ALS2CL: variants seen among roughly 807,000 people sequenced by gnomAD.
The protein encoded by ALS2CL is ALS2 C-terminal-like protein.
ALS2CL carries 112 observed loss-of-function variants against 127.9 expected under a neutral mutation model. The observed-to-expected ratio is 0.88, with a 90% CI of 0.75 to 1.02. The LOEUF is 1.02. Among genes scored for constraint, ALS2CL ranks in the 50% least tolerant of loss-of-function variants. ALS2CL has a pLI of 0.00. For missense variants in ALS2CL, 1,174 were observed against 1,236.7 expected (o/e 0.95, Z 0.76); for synonymous variants, 519 against 527.6 (o/e 0.98, Z 0.22).
intron 19 of ALS2CL, chr3:46,675,945 A>T: frequency 7.0e-7 from 1 of 1,424,418 alleles, no homozygotes; most frequent in East Asian, 2.5e-5. Context: ...CTGGGACTGC[A>T]GGTGTGTTCC....
In ALS2CL at chr3:46,681,627, C is replaced by A. The variant is rs768788715; in HGVS notation, c.1176-29G>T. 6.2e-7 allele frequency: 1 copy of A among 1,610,370 alleles called. No individual in the cohort carries two copies. Among genetic ancestry groups the A allele is most frequent in the East Asian group, 2.2e-5 (1 of 44,852 alleles). On this transcript the variant is annotated intron_variant, in intron 11 of 25. Coordinates refer to ENST00000318962, the MANE Select transcript of ALS2CL (RefSeq NM_147129.5). The surrounding 1 kb of genome is among the most constrained non-coding windows in gnomAD (Gnocchi z 4.9). The stretch of plus-strand genomic sequence containing the variant: ...ACAGCATGGTTGTGGGGGTGGGGAT[C>A]AGCCCTGACCTGAGACGCCCATTAC...
At chr3:46,680,790 A>G (rs1042529365) in intron 13 of ALS2CL, 15 of 552,162 alleles carry the variant, frequency 2.7e-5, no homozygotes, top group Non-Finnish European at 4.6e-5. Context: ...GACAGGGGGA[A>G]TAGGAGTGTG....
chr3:46,671,018 A>G lies in ALS2CL; in HGVS notation c.2828T>C (p.Leu943Ser). Residue 943 changes from leucine (L) to serine (S), a missense_variant, in exon 26 of 26, where the codon TTA (leucine) becomes TCA (serine). Transcript: ENST00000318962. ...IQKEDMRLHRLPGHWHSRELW is the reference protein window; with the variant it reads ...IQKEDMRLHRSPGHWHSRELW ...CTCCCTGGAGTGCCAGTGGCCAGGT[A>G]AGCGGTGCAGCCTCATGTCTTCTTT... 6.2e-7 allele frequency: 1 copy of G among 1,614,182 alleles called. No individual in the cohort carries two copies. The highest frequency in any genetic ancestry group is 8.5e-7 in the Non-Finnish European group (1 of 1,180,026).
Position 46,683,342 on chromosome 3 carries a change from A to T in ALS2CL, c.913-16T>A, listed in dbSNP as rs777402733. On this transcript the variant is annotated splice_polypyrimidine_tract_variant and intron_variant, in intron 9 of 25. Coordinates refer to ENST00000318962, the MANE Select transcript of ALS2CL (RefSeq NM_147129.5). ...GCCAGACTGCCTGGTGGGAGGGGGA[A>T]CATGGGGAAGGGGATCACTGCTGCT... 1.3e-6 allele frequency: 2 copies of T among 1,569,150 alleles called. No individual in the cohort carries two copies. The highest frequency in any genetic ancestry group is 1.4e-5 in the African/African-American group (1 of 73,816).
At chr3:46,671,267 T>C (rs1225265559) in intron 25 of ALS2CL, among the ~76,000 whole-genome samples, 1 of 151,544 alleles carries the variant, frequency 6.6e-6, no homozygotes, top group African/African-American at 2.4e-5. Flanking sequence ...GGAGCAATCA[T>C]GGCCCCAGGG....
chr3:46,678,827 A>G (rs1224458601), intron 15 of ALS2CL, among the ~76,000 whole-genome samples: 1 of 152,214 alleles, frequency 6.6e-6, no homozygotes, highest in Non-Finnish European at 1.5e-5. Context: ...ACATTTCCAA[A>G]GGCTCCAGCG....
Position 46,683,848 on chromosome 3 carries a change from C to T in ALS2CL, c.846G>A (p.Gly282=). Reference sequence around the variant, plus strand: ...CGGGCGTGAGGAGGTGAAACGTGCACCTAGACAGACGGAGGTGATGAGTAG... The same window carrying T: ...CGGGCGTGAGGAGGTGAAACGTGCATCTAGACAGACGGAGGTGATGAGTAG... ...KLVWVDPGQD[G]CTFHLLTPEE... Residue 282 remains glycine, a splice_region_variant and synonymous_variant, in exon 9 of 26, where the codon GGG becomes GGA. Coordinates refer to ENST00000318962, the MANE Select transcript of ALS2CL (RefSeq NM_147129.5). The T allele has an allele frequency of 3.1e-6, 5 of 1,614,166 alleles. No homozygotes were observed. Among genetic ancestry groups the T allele is most frequent in the Non-Finnish European group, 3.4e-6 (4 of 1,180,018 alleles).
chr3:46,684,703 C>T (rs759201732), intron 7 of ALS2CL, among the ~76,000 whole-genome samples: 7 of 152,214 alleles, frequency 4.6e-5, no homozygotes, highest in Non-Finnish European at 7.4e-5. Context: ...CCAGACACAA[C>T]AGCATGTGCA....
At chr3:46,691,714 T>A (rs1700165202) in intron 1 of ALS2CL, among the ~76,000 whole-genome samples, 1 of 151,558 alleles carries the variant, frequency 6.6e-6, no homozygotes, top group Non-Finnish European at 1.5e-5. Context: ...TTTGTATTTC[T>A]TTCTATTCTT....
At chr3:46,683,945 T>TA (rs1303497707) in intron 8 of ALS2CL, 44 bp downstream of exon 8, 1 of 1,612,114 alleles carries the variant, frequency 6.2e-7, no homozygotes, top group Admixed American at 1.7e-5. Flanking sequence ...GTCATGGGGG[T>TA]AAAGGGAAGA....
Position 46,681,572 on chromosome 3 carries a change from G to T in ALS2CL, c.1202C>A (p.Ala401Asp). The T allele has an allele frequency of 6.2e-7, 1 of 1,614,106 alleles. No individual in the cohort carries two copies. The highest frequency in any genetic ancestry group is 8.5e-7 in the Non-Finnish European group (1 of 1,179,988). ...HGFGIRLLPQ[A>D]SEDKFDCYKC... ...GTAACAGTCGAACTTGTCCTCAGAG[G>T]CCTGGGGCAGCAGGCGGATGCCGAA... Residue 401 changes from alanine (A) to aspartate (D), a missense_variant, in exon 12 of 26, where the codon GCC becomes GAC. By Grantham distance (126) the Ala-to-Asp change is moderately radical. Coordinates refer to ENST00000318962, the MANE Select transcript of ALS2CL (RefSeq NM_147129.5). The surrounding 1 kb of genome is among the most constrained non-coding windows in gnomAD (Gnocchi z 4.9).
At chr3:46,685,745 GC>G (rs1237823081) in intron 6 of ALS2CL, 101 bp from the exon 7 acceptor site, 8 of 1,476,048 alleles carry the variant, frequency 5.4e-6, no homozygotes, top group Non-Finnish European at 6.4e-6. Flanking sequence ...CCTCCCAGAG[GC>G]CCCCTCCAGT....
intron 1 of ALS2CL, among the ~76,000 whole-genome samples, chr3:46,692,195 C>G (rs1164592238): frequency 6.6e-6 from 1 of 152,050 alleles, no homozygotes; most frequent in Non-Finnish European, 1.5e-5. Flanking sequence ...GGACCCAGCT[C>G]CCAGGCTAGG....
rs751792211 is a variant in ALS2CL, at chr3:46,682,023, C to T, written c.1175+6G>A. ...GCCTCCCAGCAGTAGCCCCAGCCAG[C>T]CTTACCCATGCTCCAGGCCCTGGCA... On this transcript the variant is annotated splice_donor_region_variant and intron_variant, in intron 11 of 25. Transcript: ENST00000318962. The T allele has an allele frequency of 3.7e-6, 6 of 1,613,882 alleles. No homozygotes were observed. The highest frequency in any genetic ancestry group is 5.1e-6 in the Non-Finnish European group (6 of 1,179,908).
At chr3:46,680,791 T>C in intron 13 of ALS2CL, 1 of 551,828 alleles carries the variant, frequency 1.8e-6, no homozygotes, top group Non-Finnish European at 3.3e-6. Context: ...ACAGGGGGAA[T>C]AGGAGTGTGT....
rs74499286 is a variant in ALS2CL at position 46,686,142 on chromosome 3, A to G, written c.666+166T>C. On this transcript the variant is annotated intron_variant, in intron 6 of 25. Transcript: ENST00000318962. This position sits in a 1 kb window ranked among gnomAD's most constrained non-coding sequence, Gnocchi z 4.3. ...AGGACGTGCTCAGCAGACAGATAAG[A>G]ATGGCTGGACAGAGGGACCTTACAG... Among the ~76,000 whole-genome samples, 2,182 of 152,158 alleles carry G rather than the reference A, an allele frequency of 0.014. 55 individuals carry two copies. The highest frequency in any genetic ancestry group is 0.049 in the African/African-American group (2,045 of 41,500).
rs1358448491 is a variant in ALS2CL, at chr3:46,687,078, C to T, written c.439G>A (p.Gly147Ser). Reference protein sequence around the residue: ...LSGVSSEGSVGASLGQALHQP... With the variant: ...LSGVSSEGSVSASLGQALHQP... ...TGGAGGGCCTGGCCCAGCGATGCGC[C>T]CACCGAGCCCTCTGAGCTCACACCT... The change falls in exon 5 of 26, where the codon GGC becomes AGC. Residue 147 changes from glycine to serine, a missense_variant. Gly to Ser is a moderately conservative substitution (Grantham distance 56, BLOSUM62 0). Transcript: ENST00000318962. 6.3e-7 allele frequency: 1 copy of T among 1,593,362 alleles called. No individual in the cohort carries two copies. The highest frequency in any genetic ancestry group is 1.7e-5 in the Admixed American group (1 of 58,686).
chr3:46,693,632 C>T lies in ALS2CL; in HGVS notation c.-26+11G>A, dbSNP rs1315708020. On this transcript the variant is annotated intron_variant, in intron 1 of 25. Transcript: ENST00000318962. ...CCGTCCGCAGACGCGCGCCCTTCGT[C>T]GCGCCCTTACCTGAGCGCTGTGGTT... 1.3e-5 allele frequency: 2 copies of T among 152,436 alleles called. No homozygotes were observed. Among genetic ancestry groups the T allele is most frequent in the East Asian group, 3.9e-4 (2 of 5,194 alleles). 9.4% of individuals were successfully genotyped at this position (152,436 alleles called of 1,614,324 possible). A position where few individuals can be genotyped will look rare whatever the true frequency, so the allele number is the denominator to read the frequency against.
chr3:46,688,016 G>T, intron 3 of ALS2CL, 82 bp downstream of exon 3: 2 of 1,518,978 alleles, frequency 1.3e-6, no homozygotes, highest in Non-Finnish European at 1.8e-6. Context: ...ACCCATGTGA[G>T]CCCCAACCCC....
Sources: allele counts gnomAD v4.1 joint callset (sites outside exome capture counted in the v4.1 genomes callset), GRCh38; gene constraint gnomAD v4.1.1; non-coding constraint Gnocchi (gnomAD v3.1); transcripts MANE v1.5; gene names NCBI Gene and HGNC (gene_info 2026-07-23, HGNC 2026-07-21).